RAB11A: variants seen among roughly 807,000 people sequenced by gnomAD.
RAB11A encodes ras-related protein Rab-11A.
A neutral mutation model predicts 28.0 loss-of-function variants in RAB11A; 9 were observed. The observed-to-expected ratio is 0.32, with a 90% CI of 0.19 to 0.56. The LOEUF (loss-of-function observed/expected upper bound fraction) is 0.56. Ranked by LOEUF, RAB11A falls within the 20% of genes least tolerant of loss-of-function variation. The pLI is 0.91. For missense variants in RAB11A, 108 were observed against 269.6 expected (o/e 0.40, Z 4.20); for synonymous variants, 85 against 88.2 (o/e 0.96, Z 0.20).
chr15:65,887,552 G>T, intron 4 of RAB11A, 149 bp from the exon 5 acceptor site: 1 of 734,202 alleles, frequency 1.4e-6, no homozygotes, highest in Non-Finnish European at 2.0e-6. Context: ...ATCAGTGGCT[G>T]TTTGAAAATA....
chr15:65,875,210 C>A (rs186495513), intron 1 of RAB11A, among the ~76,000 whole-genome samples: 78 of 152,206 alleles, frequency 5.1e-4, no homozygotes, highest in African/African-American at 1.8e-3. Flanking sequence ...GTAGTTGGGA[C>A]TACAGGCATG....
At position 65,877,388 on chromosome 15, in the gene RAB11A, C is replaced by G; in HGVS notation, c.97C>G (p.Arg33Gly). 1 of 1,613,864 alleles carries G rather than the reference C, an allele frequency of 6.2e-7. No individual in the cohort carries two copies. The highest frequency in any genetic ancestry group is 8.5e-7 in the Non-Finnish European group (1 of 1,179,906). The change falls in exon 2 of 5, where the codon CGA becomes GGA. Residue 33 changes from arginine to glycine, a missense_variant. Coordinates refer to ENST00000261890, the MANE Select transcript of RAB11A (RefSeq NM_004663.5). This position sits in a 1 kb window ranked among gnomAD's most constrained non-coding sequence, Gnocchi z 4.1. ...GAGTAATCTCCTGTCTCGATTTACT[C>G]GAAATGAGTTTAATCTGGAAAGCAA... ...GKSNLLSRFT[R>G]NEFNLESKST... is the part of the protein sequence containing the mutation.
rs1596795836 is a variant in RAB11A at position 65,890,185 on chromosome 15, G to A, written c.*2345G>A. On this transcript the variant is annotated 3_prime_UTR_variant, in exon 5 of 5. Coordinates refer to ENST00000261890, the MANE Select transcript of RAB11A (RefSeq NM_004663.5). ...CCATTCTCCTGCCTCAGCCTCCCGA[G>A]TAGCTGGGATTATAGGCGCCAGCCA... The A allele has an allele frequency of 6.6e-6, 1 of 151,996 alleles. No individual in the cohort carries two copies. The highest frequency in any genetic ancestry group is 1.5e-5 in the Non-Finnish European group (1 of 68,174). The allele number at this position is 151,996 out of a possible 1,614,324, so 9.4% of individuals were successfully genotyped here. A position where few individuals can be genotyped will look rare whatever the true frequency, so the allele number is the denominator to read the frequency against.
chr15:65,883,500 G>T (rs2078235414), intron 4 of RAB11A, among the ~76,000 whole-genome samples: 1 of 152,196 alleles, frequency 6.6e-6, no homozygotes, highest in South Asian at 2.1e-4. Flanking sequence ...TTAATTACTA[G>T]TGATGTTAAC....
chr15:65,871,040 G>A (rs1473824496), intron 1 of RAB11A, among the ~76,000 whole-genome samples: 1 of 152,194 alleles, frequency 6.6e-6, no homozygotes, highest in African/African-American at 2.4e-5. Flanking sequence ...CACTGAGGAA[G>A]AAGCCATTGC....
chr15:65,882,635 T>C (rs1190997821), intron 4 of RAB11A, among the ~76,000 whole-genome samples: 1 of 152,158 alleles, frequency 6.6e-6, no homozygotes, highest in Non-Finnish European at 1.5e-5. Flanking sequence ...ACTTCAGAGT[T>C]AATTGTGTTG....
rs1274329531 is a variant in RAB11A, at chr15:65,869,606, G to A, written c.21G>A (p.Glu7=). The change falls in exon 1 of 5, where the codon GAG becomes GAA. Residue 7 remains glutamate (E), a synonymous_variant. Transcript: ENST00000261890. MGTRDD[E]YDYLFKVVLI... ...GCGCAATGGGCACCCGCGACGACGA[G>A]TACGACTACCTCTTTAAAGGTGAGG... 1 of 1,611,772 alleles carries A rather than the reference G, an allele frequency of 6.2e-7. No individual in the cohort carries two copies. The highest frequency in any genetic ancestry group is 1.1e-5 in the South Asian group (1 of 91,078).
chr15:65,876,647 C>A (rs373305529), intron 1 of RAB11A, among the ~76,000 whole-genome samples: 235 of 152,266 alleles, frequency 1.5e-3, no homozygotes, highest in African/African-American at 5.3e-3. Flanking sequence ...TTTCCTAATA[C>A]CCCCTGTTTA....
intron 1 of RAB11A, among the ~76,000 whole-genome samples, chr15:65,873,580 G>T (rs1329743623): frequency 1.3e-5 from 2 of 151,858 alleles, no homozygotes; most frequent in Admixed American, 1.3e-4. Flanking sequence ...TTGAGGCAGG[G>T]TCTCCCTCTG....
chr15:65,878,975 A>G (rs1435344703), intron 3 of RAB11A, among the ~76,000 whole-genome samples: 1 of 149,556 alleles, frequency 6.7e-6, no homozygotes, highest in African/African-American at 2.5e-5. Context: ...TAAGGAGCCA[A>G]TTGACAATTT....
chr15:65,869,908 G>T, intron 1 of RAB11A: 1 of 321,888 alleles, frequency 3.1e-6, no homozygotes, highest in Non-Finnish European at 5.7e-6. Flanking sequence ...CCACATCGTC[G>T]AATTCCTTTC....
rs2078199027 is a variant in RAB11A, at chr15:65,877,929, C to A, written c.404C>A (p.Pro135His). Reference protein sequence around the residue: ...KSDLRHLRAVPTDEARAFAEK... With the variant: ...KSDLRHLRAVHTDEARAFAEK... Reference sequence around the variant, plus strand: ...GATCTACGTCATCTCAGGGCAGTTCCTACAGATGAAGCAAGAGCTTTTGCA... The same window carrying A: ...GATCTACGTCATCTCAGGGCAGTTCATACAGATGAAGCAAGAGCTTTTGCA... Residue 135 changes from proline (P) to histidine (H), a missense_variant, in exon 3 of 5, where the codon CCT becomes CAT. This residue lies in a region of RAB11A where 85 missense variants were observed against 145.9 expected (regional missense o/e 0.58). Coordinates refer to ENST00000261890, the MANE Select transcript of RAB11A (RefSeq NM_004663.5). This position sits in a 1 kb window ranked among gnomAD's most constrained non-coding sequence, Gnocchi z 4.1. The A allele has an allele frequency of 6.2e-7, 1 of 1,613,714 alleles. No individual in the cohort carries two copies. The highest frequency in any genetic ancestry group is 8.5e-7 in the Non-Finnish European group (1 of 1,179,720).
intron 4 of RAB11A, among the ~76,000 whole-genome samples, chr15:65,885,133 GTTTTT>G (rs56815495): frequency 1.5e-5 from 2 of 129,342 alleles, no homozygotes; most frequent in Admixed American, 8.0e-5. Flanking sequence ...CATTTATACA[GTTTTT>G]TTTTTTTTTT....
chr15:65,886,851 T>C (rs1315501665), intron 4 of RAB11A, among the ~76,000 whole-genome samples: 5 of 152,228 alleles, frequency 3.3e-5, no homozygotes, highest in Non-Finnish European at 1.5e-5. Flanking sequence ...GAAATAAAAA[T>C]AGAGTTTACA....
intron 1 of RAB11A, 78 bp downstream of exon 1, chr15:65,869,703 C>T: frequency 3.4e-6 from 5 of 1,483,510 alleles, no homozygotes; most frequent in Non-Finnish European, 4.6e-6. Context: ...CTCGTGCCGG[C>T]CACCCCTGCA....
At chr15:65,876,401 A>G (rs904154355) in intron 1 of RAB11A, among the ~76,000 whole-genome samples, 2 of 152,042 alleles carry the variant, frequency 1.3e-5, no homozygotes, top group African/African-American at 4.8e-5. Context: ...GGTTCAAGCT[A>G]TTCTCATGCC....
At chr15:65,875,151 C>G (rs1355090550) in intron 1 of RAB11A, among the ~76,000 whole-genome samples, 1 of 152,314 alleles carries the variant, frequency 6.6e-6, no homozygotes, top group Admixed American at 6.5e-5. Context: ...AGGCTCACCA[C>G]AACCTCTGCC....
At chr15:65,881,975 T>G (rs1458135815) in intron 4 of RAB11A, among the ~76,000 whole-genome samples, 1 of 151,006 alleles carries the variant, frequency 6.6e-6, no homozygotes, top group Non-Finnish European at 1.5e-5. Flanking sequence ...TGCTTGAGCC[T>G]GGGAGGTTTA....
intron 3 of RAB11A, 76 bp downstream of exon 3, chr15:65,878,031 G>C: frequency 1.5e-6 from 2 of 1,325,840 alleles, no homozygotes; most frequent in South Asian, 1.2e-5. Flanking sequence ...AGAGTAATAG[G>C]TTATAATAGT....
Sources: gnomAD v4.1 joint callset for allele counts (sites outside exome capture counted in the v4.1 genomes callset) on GRCh38, gnomAD v4.1.1 for gene constraint, gnomAD v4.1.1 regional missense constraint, Gnocchi (gnomAD v3.1) non-coding constraint, MANE v1.5 for transcripts, NCBI Gene and HGNC (gene_info 2026-07-23, HGNC 2026-07-21) for gene names.